The following TNRC6A variants were observed in gnomAD, a reference collection of about 807,000 sequenced individuals.
TNRC6A encodes the protein trinucleotide repeat containing adaptor 6A.
In TNRC6A, 44 loss-of-function variants were observed where a neutral mutation model predicts 221.2. That is an observed-to-expected ratio of 0.20 (90% CI 0.16 to 0.26). The LOEUF (loss-of-function observed/expected upper bound fraction) is 0.26, where lower values mean the gene tolerates loss of function less well. TNRC6A is among the 10% of genes least tolerant of loss of function. TNRC6A has a pLI of 1.00. For missense variants in TNRC6A, 2,199 were observed against 2,404.4 expected (o/e 0.91, Z 1.79); for synonymous variants, 847 against 838.5 (o/e 1.01, Z -0.18).
At chr16:24,627,986 G>A (rs529180773) in intron 1 of TNRC6A, among the ~76,000 whole-genome samples, 27 of 151,466 alleles carry the variant, frequency 1.8e-4, no homozygotes, top group African/African-American at 6.0e-4. Context: ...CATGAGCCAC[G>A]GCACTTGGCC....
At chr16:24,697,783 T>C (rs1040190390) in intron 2 of TNRC6A, among the ~76,000 whole-genome samples, 2 of 152,172 alleles carry the variant, frequency 1.3e-5, no homozygotes, top group Non-Finnish European at 2.9e-5. Flanking sequence ...GGCTCACGCC[T>C]GTAATCCCAG....
intron 4 of TNRC6A, among the ~76,000 whole-genome samples, chr16:24,771,237 A>G (rs1053664135): frequency 6.6e-6 from 1 of 152,232 alleles, no homozygotes; most frequent in African/African-American, 2.4e-5. Context: ...TGTATATACA[A>G]CACACATAAA....
At chr16:24,776,403 A>G (rs2057718451) in intron 4 of TNRC6A, 1 of 985,352 alleles carries the variant, frequency 1.0e-6, no homozygotes, top group Admixed American at 6.1e-5. Flanking sequence ...TTTAGCAAAT[A>G]CAGACATTGT....
At chr16:24,750,953 G>A in intron 3 of TNRC6A, 140 bp downstream of exon 3, 2 of 786,450 alleles carry the variant, frequency 2.5e-6, no homozygotes, top group Non-Finnish European at 3.7e-6. Flanking sequence ...TAATGTCTTT[G>A]AATATGCATA....
chr16:24,797,743 A>C (rs1228077996), intron 10 of TNRC6A, among the ~76,000 whole-genome samples, 172 bp from the exon 11 acceptor site: 1 of 152,226 alleles, frequency 6.6e-6, no homozygotes, highest in Admixed American at 6.5e-5. Context: ...TAAAAACTTC[A>C]ATCACATGTC....
Position 24,793,609 on chromosome 16 carries a change from G to C in TNRC6A, c.3312G>C (p.Trp1104Cys). The C allele has an allele frequency of 6.4e-7, 1 of 1,552,930 alleles. No homozygotes were observed. Among genetic ancestry groups the C allele is most frequent in the Admixed American group, 1.9e-5 (1 of 53,308 alleles). The change falls in exon 7 of 25, where the codon TGG (tryptophan) becomes TGC (cysteine). Residue 1104 changes from tryptophan (W) to cysteine (C), a missense_variant. This residue lies in a region of TNRC6A where 1,405 missense variants were observed against 1,400.2 expected (regional missense o/e 1.00). Transcript: ENST00000395799. ...CTGCGGCATCCAGCACATCCACGTG[G>C]GGCTCCAGCTCTGTTGGTCCACAAG... ...PIAAASSTST[W>C]GSSSVGPQAL...
Position 24,790,927 on chromosome 16 carries a change from A to G in TNRC6A, c.2285A>G (p.Asn762Ser). The G allele has an allele frequency of 6.2e-7, 1 of 1,613,946 alleles. No homozygotes were observed. Among genetic ancestry groups the G allele is most frequent in the Non-Finnish European group, 8.5e-7 (1 of 1,179,932 alleles). ...AWGSSATQTF[N>S]SGACIDKTSP... The stretch of plus-strand genomic sequence containing the variant: ...GGAAGCTCTGCAACACAGACTTTTA[A>G]CTCAGGGGCATGTATAGATAAGACT... Residue 762 changes from asparagine to serine, a missense_variant, in exon 6 of 25, where the codon AAC becomes AGC. Around this residue, in one of 8 missense-constraint regions of TNRC6A, gnomAD observed 1,405 missense variants for 1,400.2 expected, o/e 1.00. Coordinates refer to ENST00000395799, the MANE Select transcript of TNRC6A (RefSeq NM_014494.4).
At chr16:24,655,640 G>GATCGTGCC (rs1227433762) in intron 2 of TNRC6A, among the ~76,000 whole-genome samples, 2 of 152,020 alleles carry the variant, frequency 1.3e-5, no homozygotes, top group African/African-American at 4.8e-5. Context: ...GGTGAGCCAA[G>GATCGTGCC]ATCGTGCCAC....
At chr16:24,723,148 A>T (rs897939576) in intron 2 of TNRC6A, among the ~76,000 whole-genome samples, 1 of 152,098 alleles carries the variant, frequency 6.6e-6, no homozygotes, top group Non-Finnish European at 1.5e-5. Flanking sequence ...TGGTTTCTTC[A>T]TTACAGTATC....
chr16:24,821,026 C>T (rs1430792367), intron 22 of TNRC6A, among the ~76,000 whole-genome samples: 1 of 152,182 alleles, frequency 6.6e-6, no homozygotes, highest in Non-Finnish European at 1.5e-5. Flanking sequence ...GTAATAAAAC[C>T]TCATTAATAT....
At chr16:24,615,381 G>A (rs2141554756) in intron 1 of TNRC6A, among the ~76,000 whole-genome samples, 1 of 152,284 alleles carries the variant, frequency 6.6e-6, no homozygotes, top group Non-Finnish European at 1.5e-5. Flanking sequence ...TAGACAGTGG[G>A]ATATGCTCAA....
chr16:24,700,517 A>G (rs890422133), intron 2 of TNRC6A, among the ~76,000 whole-genome samples: 1 of 152,050 alleles, frequency 6.6e-6, no homozygotes, highest in Non-Finnish European at 1.5e-5. Context: ...GATTATAGGC[A>G]TGAGCCACCG....
intron 11 of TNRC6A, among the ~76,000 whole-genome samples, chr16:24,802,950 A>C (rs2058358101): frequency 6.6e-6 from 1 of 152,168 alleles, no homozygotes; most frequent in Admixed American, 6.5e-5. Flanking sequence ...ATTTTGCAGG[A>C]AAAAAGTTTC....
At chr16:24,821,502 T>C (rs902341305) in intron 22 of TNRC6A, among the ~76,000 whole-genome samples, 1 of 152,104 alleles carries the variant, frequency 6.6e-6, no homozygotes, top group Non-Finnish European at 1.5e-5. Context: ...TGTCATGGAA[T>C]GGTCTTTCCC....
intron 2 of TNRC6A, among the ~76,000 whole-genome samples, chr16:24,677,172 T>TC (rs1277822161): frequency 6.6e-6 from 1 of 150,604 alleles, no homozygotes; most frequent in Non-Finnish European, 1.5e-5. Context: ...TTCTTTTTTT[T>TC]TTTTTTCCCT....
chr16:24,806,280 G>T lies in TNRC6A; in HGVS notation c.4326G>T (p.Gln1442His), dbSNP rs1020556468. ...VPSGNRPQQD[Q>H]QGRPLSVQQQ... ...CTGGGAACCGGCCGCAGCAAGACCA[G>T]CAGGTAGAGCCCGCCCTGCAACTCG... The change falls in exon 16 of 25, where the codon CAG becomes CAT. Residue 1442 changes from glutamine (Q) to histidine (H), a missense_variant. Coordinates refer to ENST00000395799, the MANE Select transcript of TNRC6A (RefSeq NM_014494.4). 3.7e-6 allele frequency: 6 copies of T among 1,614,006 alleles called. No individual in the cohort carries two copies. In the African/African-American group the frequency reaches 8.0e-5, roughly 22 times the overall value.
Position 24,730,304 on chromosome 16 carries a change from AG to A in TNRC6A, c.53+5del. The A allele has an allele frequency of 6.2e-7, 1 of 1,604,404 alleles. No individual in the cohort carries two copies. Among genetic ancestry groups the A allele is most frequent in the Non-Finnish European group, 8.5e-7 (1 of 1,176,334 alleles). ...ACGTAGAAAGAAATCTTAGCAGGTA[AG>A]ATGGGCGAGCTTTCCGTCTCCCGCC... On this transcript the variant is annotated splice_donor_5th_base_variant and intron_variant, in intron 2 of 24. Coordinates refer to ENST00000395799, the MANE Select transcript of TNRC6A (RefSeq NM_014494.4).
intron 1 of TNRC6A, among the ~76,000 whole-genome samples, chr16:24,635,138 T>C (rs141437316): frequency 7.8e-5 from 8 of 102,484 alleles, no homozygotes; most frequent in African/African-American, 2.1e-4. Flanking sequence ...TTCTTTCTTT[T>C]TCTTTTCTTT....
intron 2 of TNRC6A, among the ~76,000 whole-genome samples, chr16:24,741,141 C>T (rs893405821): frequency 3.3e-5 from 5 of 152,176 alleles, no homozygotes; most frequent in Admixed American, 2.0e-4. Flanking sequence ...TGCATGCTTA[C>T]TCACACACGC....
Sources: gnomAD v4.1 joint callset for allele counts (sites outside exome capture counted in the v4.1 genomes callset) on GRCh38, gnomAD v4.1.1 for gene constraint, gnomAD v4.1.1 regional missense constraint, MANE v1.5 for transcripts, NCBI Gene and HGNC (gene_info 2026-07-23, HGNC 2026-07-21) for gene names.